Variants in PTK2 observed in about 807,000 individuals in gnomAD.
The protein encoded by PTK2 is focal adhesion kinase 1.
A neutral mutation model predicts 150.1 loss-of-function variants in PTK2; 45 were observed. That is an observed-to-expected ratio of 0.30 (90% confidence interval 0.24 to 0.38). PTK2 has a LOEUF of 0.38. Among genes scored for constraint, PTK2 ranks in the 10% least tolerant of loss-of-function variants. PTK2 has a pLI of 1.00. For synonymous variants in PTK2, 432 were observed against 449.2 expected (o/e 0.96, Z 0.48); for missense variants, 919 against 1,307.3 (o/e 0.70, Z 4.58).
At chr8:140,936,061 G>A (rs1316028476) in intron 1 of PTK2, among the ~76,000 whole-genome samples, 4 of 152,112 alleles carry the variant, frequency 2.6e-5, no homozygotes, top group African/African-American at 7.2e-5. Context: ...CTGTAGTCCC[G>A]GCTACTCAGG....
chr8:140,865,985 A>G (rs374623242), intron 4 of PTK2, among the ~76,000 whole-genome samples: 4 of 152,074 alleles, frequency 2.6e-5, no homozygotes, highest in East Asian at 1.9e-4. Flanking sequence ...GGGTTTTGCC[A>G]TGTTGCCCAG....
intron 26 of PTK2, among the ~76,000 whole-genome samples, chr8:140,688,931 T>C (rs1184775020): frequency 2.0e-5 from 3 of 152,334 alleles, no homozygotes; most frequent in African/African-American, 4.8e-5. Flanking sequence ...TTGGCGACTA[T>C]GGCAGAAAGT....
chr8:140,799,586 G>T (rs148289779), intron 12 of PTK2, among the ~76,000 whole-genome samples: 5 of 152,174 alleles, frequency 3.3e-5, no homozygotes, highest in Non-Finnish European at 7.4e-5. Flanking sequence ...AGTCTAGGCT[G>T]ATACAGTGTC....
intron 3 of PTK2, among the ~76,000 whole-genome samples, chr8:140,880,500 G>T (rs1035889337): frequency 6.6e-6 from 1 of 152,178 alleles, no homozygotes; most frequent in Non-Finnish European, 1.5e-5. Flanking sequence ...TTACACGAGG[G>T]TATGCAAATT....
At chr8:140,994,921 C>T (rs988408175) in intron 1 of PTK2, among the ~76,000 whole-genome samples, 1 of 152,034 alleles carries the variant, frequency 6.6e-6, no homozygotes, top group African/African-American at 2.4e-5. Context: ...CCCATCTCTA[C>T]TAAAAATACA....
chr8:140,836,698 T>C (rs1425049920), intron 7 of PTK2, among the ~76,000 whole-genome samples: 1 of 152,188 alleles, frequency 6.6e-6, no homozygotes, highest in East Asian at 1.9e-4. Context: ...TTATCCATTC[T>C]AGAAATACCT....
At chr8:140,761,125 C>T in intron 16 of PTK2, 40 bp downstream of exon 19, 3 of 1,360,450 alleles carry the variant, frequency 2.2e-6, no homozygotes, top group Non-Finnish European at 3.1e-6. Context: ...CTTAAATAGT[C>T]AAAATTAGTC....
chr8:140,919,890 C>G (rs2100166748), intron 2 of PTK2, among the ~76,000 whole-genome samples: 1 of 151,956 alleles, frequency 6.6e-6, no homozygotes, highest in South Asian at 2.1e-4. Flanking sequence ...ATGTCAGCAA[C>G]AACTAAATAA....
rs565376991 is a variant in PTK2 at position 140,982,353 on chromosome 8, C to T, written c.-122+18772G>A. Among the ~76,000 whole-genome samples the T allele has an allele frequency of 7.7e-4, 117 of 152,354 alleles. 1 individual carries two copies. Among genetic ancestry groups the T allele is most frequent in the African/African-American group, 2.6e-3 (109 of 41,580 alleles). ...GAGGCTCCCGCCTGTAATCCCAACA[C>T]TTTGGGAGGCTGAGGCGGGCAGATC... is the stretch of plus-strand genomic sequence containing the variant. On this transcript the variant is annotated intron_variant, in intron 1 of 31. Transcript: ENST00000522684.
chr8:140,672,134 C>T (rs2095614030), intron 29 of PTK2: 1 of 452,922 alleles, frequency 2.2e-6, no homozygotes, highest in Non-Finnish European at 4.4e-6. Flanking sequence ...TAATACAAGC[C>T]ATTTTGAAAG....
intron 31 of PTK2, among the ~76,000 whole-genome samples, chr8:140,662,317 T>C (rs1454575844): frequency 6.6e-6 from 1 of 151,652 alleles, no homozygotes; most frequent in African/African-American, 2.4e-5. Context: ...AAATTAATAA[T>C]TAAAAAATAC....
At chr8:140,843,496 T>A (rs943059286) in intron 7 of PTK2, among the ~76,000 whole-genome samples, 5 of 152,154 alleles carry the variant, frequency 3.3e-5, no homozygotes, top group Non-Finnish European at 7.4e-5. Flanking sequence ...TTATTCTTTT[T>A]CCCCAGCCAC....
At chr8:140,995,108 A>G (rs1315657940) in intron 1 of PTK2, among the ~76,000 whole-genome samples, 1 of 150,602 alleles carries the variant, frequency 6.6e-6, no homozygotes, top group African/African-American at 2.4e-5. Context: ...AAGGACGGGC[A>G]CGTGGCTCAC....
At chr8:140,840,005 G>A (rs1396921982) in intron 7 of PTK2, among the ~76,000 whole-genome samples, 1 of 152,154 alleles carries the variant, frequency 6.6e-6, no homozygotes, top group Non-Finnish European at 1.5e-5. Context: ...AAAACAATGA[G>A]CAGAACAATA....
intron 1 of PTK2, among the ~76,000 whole-genome samples, chr8:140,937,587 A>AG (rs2100174099): frequency 7.1e-6 from 1 of 141,366 alleles, no homozygotes; most frequent in Non-Finnish European, 1.5e-5. Flanking sequence ...GTAAACAATA[A>AG]AAAAAAAAAA....
In PTK2 at chr8:140,971,411, T is replaced by C. The variant is rs2100187232; in HGVS notation, c.-122+29714A>G. Among the ~76,000 whole-genome samples the C allele has an allele frequency of 2.0e-5, 3 of 152,220 alleles. No individual in the cohort carries two copies. The South Asian group carries it at 6.2e-4, about 31-fold the overall frequency. Reference sequence around the variant, plus strand: ...GTCAGTTCCTTGAATTTGTCAGAAATAGAAACTGAGTATCTTGACTTGGCC... The same window carrying C: ...GTCAGTTCCTTGAATTTGTCAGAAACAGAAACTGAGTATCTTGACTTGGCC... On this transcript the variant is annotated intron_variant, in intron 1 of 31. Transcript: ENST00000522684.
chr8:140,750,794 T>A (rs1443566437), intron 17 of PTK2, among the ~76,000 whole-genome samples: 3 of 152,010 alleles, frequency 2.0e-5, no homozygotes, highest in Non-Finnish European at 4.4e-5. Flanking sequence ...TGGAGAAAAT[T>A]ATTTCTAAGG....
At chr8:140,681,149 G>A (rs1370028645) in intron 27 of PTK2, among the ~76,000 whole-genome samples, 1 of 150,300 alleles carries the variant, frequency 6.7e-6, no homozygotes, top group Non-Finnish European at 1.5e-5. Context: ...TGGATCACTG[G>A]AGGTCAGGAG....
At chr8:140,831,220 T>C (rs1328930600) in intron 7 of PTK2, among the ~76,000 whole-genome samples, 2 of 152,198 alleles carry the variant, frequency 1.3e-5, no homozygotes, top group African/African-American at 2.4e-5. Context: ...TTGGAAAGAA[T>C]AGCTGATTCT....
Sources: gnomAD v4.1 joint callset for allele counts (sites outside exome capture counted in the v4.1 genomes callset) on GRCh38, gnomAD v4.1.1 for gene constraint, MANE v1.5 for transcripts, NCBI Gene and HGNC (gene_info 2026-07-23, HGNC 2026-07-21) for gene names.